Variants in AKAP10 observed in about 807,000 individuals in gnomAD.
The protein encoded by AKAP10 is A-kinase anchor protein 10, mitochondrial.
In AKAP10, 24 loss-of-function variants were observed where a neutral mutation model predicts 80.8. The ratio of observed to expected loss-of-function variants is 0.30; its 90% CI spans 0.22 to 0.42. The LOEUF is 0.42. Among genes scored for constraint, AKAP10 ranks in the 10% least tolerant of loss-of-function variants. The probability of loss-of-function intolerance (pLI) is 1.00; values close to 1 mark genes in which losing one functional copy is unlikely to be tolerated. For synonymous variants in AKAP10, 291 were observed against 277.7 expected, an observed-to-expected ratio of 1.05 and a Z score of -0.48; for missense variants, 661 against 794.9, an observed-to-expected ratio of 0.83 and a Z score of 2.03.
chr17:19,953,605 A>G (rs1469873340), intron 4 of AKAP10, among the ~76,000 whole-genome samples: 3 of 152,218 alleles, frequency 2.0e-5, no homozygotes, highest in East Asian at 1.9e-4. Flanking sequence ...TAAATTTGAC[A>G]ATTCAATACA....
chr17:19,957,150 A>C (rs979584147), intron 4 of AKAP10, among the ~76,000 whole-genome samples: 2 of 152,190 alleles, frequency 1.3e-5, no homozygotes, highest in South Asian at 4.1e-4. Flanking sequence ...AAGAAAAAAA[A>C]ACAGGTGCTC....
chr17:19,964,323 T>C (rs554359824), intron 2 of AKAP10, among the ~76,000 whole-genome samples: 67 of 152,302 alleles, frequency 4.4e-4, no homozygotes, highest in African/African-American at 1.5e-3. Flanking sequence ...TTACCACTCC[T>C]TCCTGATAGT....
At chr17:19,911,977 C>A (rs778222886) in intron 12 of AKAP10, among the ~76,000 whole-genome samples, 1 of 151,090 alleles carries the variant, frequency 6.6e-6, no homozygotes, top group African/African-American at 2.4e-5. Context: ...TGTATCGAAG[C>A]ACAAGGGATT....
rs540588372 is a variant in AKAP10 at position 19,918,599 on chromosome 17, C to T, written c.1834+1437G>A. ...CTTCCCAAAGTGCTAGGATTACAGG[C>T]ATGAGCCACAGCGCCTGGCCAATAG... On this transcript the variant is annotated intron_variant, in intron 12 of 14. Coordinates refer to ENST00000225737, the MANE Select transcript of AKAP10 (RefSeq NM_007202.4). Among the ~76,000 whole-genome samples the T allele has an allele frequency of 3.3e-5, 5 of 152,284 alleles. No individual in the cohort carries two copies. In the East Asian group the frequency reaches 9.7e-4, roughly 30 times the overall value.
chr17:19,909,490 A>C (rs955807142), intron 13 of AKAP10, among the ~76,000 whole-genome samples: 2 of 152,214 alleles, frequency 1.3e-5, no homozygotes, highest in African/African-American at 4.8e-5. Flanking sequence ...TGGATACCTA[A>C]CACCGAACTA....
intron 5 of AKAP10, among the ~76,000 whole-genome samples, chr17:19,946,229 T>A (rs2043110642): frequency 5.4e-5 from 1 of 18,460 alleles, no homozygotes; most frequent in Non-Finnish European, 9.7e-5. Context: ...ATTTTATATA[T>A]ATATATATTA....
chr17:19,920,887 C>CAAAAAAAAAAAAAAAAA (rs2042805303), intron 11 of AKAP10, among the ~76,000 whole-genome samples: 7 of 66,866 alleles, frequency 1.0e-4, no homozygotes, highest in African/African-American at 3.8e-4. Flanking sequence ...AAAAAAAAAG[C>CAAAAAAAAAAAAAAAAA]AAAAAATACA....
At chr17:19,928,743 G>A (rs945366313) in intron 10 of AKAP10, among the ~76,000 whole-genome samples, 8 of 151,982 alleles carry the variant, frequency 5.3e-5, no homozygotes, top group African/African-American at 1.9e-4. Context: ...GGTGGTGCGT[G>A]CCTATAGTCC....
At chr17:19,971,525 T>A (rs2043497986) in intron 1 of AKAP10, among the ~76,000 whole-genome samples, 3 of 150,712 alleles carry the variant, frequency 2.0e-5, no homozygotes, top group Non-Finnish European at 4.4e-5. Flanking sequence ...AAAAAAAAAA[T>A]TAATTACACA....
intron 3 of AKAP10, among the ~76,000 whole-genome samples, chr17:19,959,692 A>G (rs557770427): frequency 2.0e-4 from 31 of 152,368 alleles, no homozygotes; most frequent in African/African-American, 7.5e-4. Flanking sequence ...CTTTCATAGC[A>G]TGATCATAAA....
chr17:19,965,072 C>T (rs1597529166), intron 2 of AKAP10, among the ~76,000 whole-genome samples: 1 of 152,336 alleles, frequency 6.6e-6, no homozygotes, highest in South Asian at 2.1e-4. Context: ...GGTCTTGTAT[C>T]ACTGATTACT....
chr17:19,961,855 T>A (rs1012015198), intron 3 of AKAP10, among the ~76,000 whole-genome samples: 3 of 151,990 alleles, frequency 2.0e-5, no homozygotes, highest in African/African-American at 7.3e-5. Flanking sequence ...GTGGTTCACG[T>A]TGGTAATCCC....
intron 10 of AKAP10, among the ~76,000 whole-genome samples, chr17:19,925,456 A>C (rs2042865861): frequency 6.6e-6 from 1 of 151,732 alleles, no homozygotes; most frequent in Non-Finnish European, 1.5e-5. Context: ...TCTACCTCCT[A>C]CTCCCCACCT....
intron 10 of AKAP10, among the ~76,000 whole-genome samples, chr17:19,926,193 C>A (rs1296409895): frequency 6.0e-5 from 9 of 150,574 alleles, no homozygotes; most frequent in African/African-American, 2.2e-4. Flanking sequence ...TATTTCACAT[C>A]AACAGAATAA....
chr17:19,975,310 T>C lies in AKAP10; in HGVS notation c.88+2282A>G, dbSNP rs113108674. On this transcript the variant is annotated intron_variant, in intron 1 of 14. Coordinates refer to ENST00000225737, the MANE Select transcript of AKAP10 (RefSeq NM_007202.4). The stretch of plus-strand genomic sequence containing the variant: ...CTGGGATTACAGATATGAACCACCA[T>C]GTTTGGCATCTCGGCATTAGGAATA... Among the ~76,000 whole-genome samples, 517 of 152,318 alleles carry C rather than the reference T, an allele frequency of 3.4e-3. 3 individuals carry two copies. The highest frequency in any genetic ancestry group is 0.011 in the African/African-American group (464 of 41,582).
chr17:19,923,045 G>T (rs1464721460), intron 11 of AKAP10, among the ~76,000 whole-genome samples: 1 of 152,168 alleles, frequency 6.6e-6, no homozygotes, highest in Non-Finnish European at 1.5e-5. Context: ...CTTTGGGAAT[G>T]AACTCATTTA....
intron 11 of AKAP10, 140 bp from the exon 12 acceptor site, chr17:19,920,258 G>A (rs914061604): frequency 1.7e-6 from 1 of 589,134 alleles, no homozygotes; most frequent in Non-Finnish European, 2.9e-6. Context: ...TTTAAAGTAG[G>A]GATTATTTGA....
intron 5 of AKAP10, among the ~76,000 whole-genome samples, chr17:19,946,240 T>TAAA (rs1567765538): frequency 2.7e-4 from 4 of 14,584 alleles, no homozygotes; most frequent in African/African-American, 1.4e-3. Context: ...ATATATATTA[T>TAAA]ATATATATAT....
At chr17:19,936,734 A>G (rs532920200) in intron 8 of AKAP10, among the ~76,000 whole-genome samples, 5 of 152,352 alleles carry the variant, frequency 3.3e-5, no homozygotes, top group African/African-American at 1.2e-4. Context: ...ACTAACAATC[A>G]CATATTTATG....
Sources: allele counts gnomAD v4.1 joint callset (sites outside exome capture counted in the v4.1 genomes callset), GRCh38; gene constraint gnomAD v4.1.1; transcripts MANE v1.5; gene names NCBI Gene and HGNC (gene_info 2026-07-23, HGNC 2026-07-21).